TLE4: variants seen among roughly 807,000 people sequenced by gnomAD.
TLE4 encodes transducin-like enhancer protein 4.
In TLE4, 8 loss-of-function variants were observed where a neutral mutation model predicts 92.8. The observed-to-expected ratio is 0.09, with a 90% CI of 0.05 to 0.16. TLE4 has a LOEUF of 0.16. TLE4 is among the 10% of genes least tolerant of loss of function. The pLI is 1.00. For synonymous variants in TLE4, 371 were observed against 374.1 expected (o/e 0.99, Z 0.10); for missense variants, 675 against 997.6 (o/e 0.68, Z 4.36).
In TLE4 at chr9:79,576,270, C is replaced by T. The variant is rs539129017; in HGVS notation, c.252+93C>T. On this transcript the variant is annotated intron_variant, in intron 4 of 19. Transcript: ENST00000376552. ...TGTTTTGCAGTTTTATTCTGCAAGC[C>T]GTTGTGGCTACCTGTATTTAAAAGT... 30 of 920,810 alleles carry T rather than the reference C, an allele frequency of 3.3e-5. No homozygotes were observed. The East Asian group carries it at 4.4e-4, about 14-fold the overall frequency. 57.0% of individuals were successfully genotyped at this position (920,810 alleles called of 1,614,324 possible).
At chr9:79,698,539 G>C (rs1295590247) in intron 8 of TLE4, among the ~76,000 whole-genome samples, 2 of 152,082 alleles carry the variant, frequency 1.3e-5, no homozygotes, top group African/African-American at 4.8e-5. Context: ...TTGAAGGTGA[G>C]TTTTGATTTA....
Position 79,636,284 on chromosome 9 carries a change from C to T in TLE4, c.390+8836C>T, listed in dbSNP as rs1364232059. 2.6e-5 allele frequency among the ~76,000 whole-genome samples: 4 copies of T among 152,116 alleles called. No individual in the cohort carries two copies. In the East Asian group the frequency reaches 5.8e-4, roughly 22 times the overall value. On this transcript the variant is annotated intron_variant, in intron 6 of 19. Coordinates refer to ENST00000376552, the MANE Select transcript of TLE4 (RefSeq NM_007005.6). ...ACCAGCCTGGGCAACAGCAGGATTT[C>T]ATTTCTAAAAAATTTAAAAAACAAG...
intron 6 of TLE4, among the ~76,000 whole-genome samples, chr9:79,627,983 G>C (rs2133562424): frequency 6.6e-6 from 1 of 152,074 alleles, no homozygotes; most frequent in South Asian, 2.1e-4. Context: ...GGCCCATTTA[G>C]AAAATCCTTC....
chr9:79,586,361 CAAA>C (rs796367203), intron 4 of TLE4, among the ~76,000 whole-genome samples: 2 of 107,690 alleles, frequency 1.9e-5, no homozygotes, highest in Admixed American at 9.7e-5. Context: ...GACTCTGTCA[CAAA>C]AAAAAAAAAA....
chr9:79,579,856 G>A (rs1013237958), intron 4 of TLE4, among the ~76,000 whole-genome samples: 1 of 152,076 alleles, frequency 6.6e-6, no homozygotes, highest in Non-Finnish European at 1.5e-5. Context: ...CTCTTTGGTC[G>A]ATGGTAAATG....
At chr9:79,701,248 G>A (rs2135790287) in intron 8 of TLE4, among the ~76,000 whole-genome samples, 1 of 152,274 alleles carries the variant, frequency 6.6e-6, no homozygotes, top group East Asian at 1.9e-4. Flanking sequence ...ACCTTTAAAT[G>A]CTAGTGATAA....
chr9:79,681,573 C>T (rs1040391161), intron 8 of TLE4, among the ~76,000 whole-genome samples: 4 of 152,000 alleles, frequency 2.6e-5, no homozygotes, highest in African/African-American at 7.2e-5. Context: ...AATTGAAGAT[C>T]GAATGTCCAC....
intron 6 of TLE4, among the ~76,000 whole-genome samples, chr9:79,643,934 T>A (rs539544213): frequency 6.6e-6 from 1 of 152,314 alleles, no homozygotes; most frequent in East Asian, 1.9e-4. Context: ...GCTCCCTCAC[T>A]CTCTGTGCAT....
intron 4 of TLE4, among the ~76,000 whole-genome samples, chr9:79,582,475 C>A (rs993836160): frequency 6.6e-6 from 1 of 152,162 alleles, no homozygotes; most frequent in African/African-American, 2.4e-5. Context: ...CAAGCACCAG[C>A]CCATTGTTCT....
At chr9:79,630,349 T>C (rs2053844861) in intron 6 of TLE4, among the ~76,000 whole-genome samples, 1 of 152,214 alleles carries the variant, frequency 6.6e-6, no homozygotes, top group Non-Finnish European at 1.5e-5. Flanking sequence ...AACACAGTTA[T>C]AATGATTTCT....
intron 11 of TLE4, chr9:79,707,323 C>G: frequency 1.1e-6 from 1 of 910,046 alleles, no homozygotes; most frequent in Non-Finnish European, 1.7e-6. Context: ...AAAAAGTAAT[C>G]TCTCATTTAC....
intron 4 of TLE4, among the ~76,000 whole-genome samples, chr9:79,609,016 T>C (rs574064412): frequency 2.0e-5 from 3 of 152,216 alleles, no homozygotes; most frequent in East Asian, 3.9e-4. Flanking sequence ...ATTAGTAAAA[T>C]TTGTTATGTG....
intron 6 of TLE4, among the ~76,000 whole-genome samples, chr9:79,648,590 AG>A (rs2058458499): frequency 6.6e-6 from 1 of 152,208 alleles, no homozygotes; most frequent in Admixed American, 6.5e-5. Flanking sequence ...GAAAGCAGTA[AG>A]GGTTCATTGT....
chr9:79,657,691 T>G (rs1173558465), intron 8 of TLE4, among the ~76,000 whole-genome samples: 1 of 152,164 alleles, frequency 6.6e-6, no homozygotes, highest in Non-Finnish European at 1.5e-5. Flanking sequence ...TGCCTGAAAC[T>G]TGGTAAGAAT....
intron 8 of TLE4, among the ~76,000 whole-genome samples, chr9:79,657,565 AAG>A (rs1397400731): frequency 6.6e-6 from 1 of 152,094 alleles, no homozygotes; most frequent in African/African-American, 2.4e-5. Context: ...CCAGTTCATT[AAG>A]AGGAGTCAGC....
intron 8 of TLE4, among the ~76,000 whole-genome samples, chr9:79,681,831 CATGTGT>C (rs1302856579): frequency 3.7e-4 from 25 of 68,156 alleles, no homozygotes; most frequent in African/African-American, 5.5e-4. Context: ...AGAGTGTGTG[CATGTGT>C]GTGTGTGTGT....
In TLE4 at chr9:79,589,998, T is replaced by A. The variant is rs565313076; in HGVS notation, c.252+13821T>A. Among the ~76,000 whole-genome samples the A allele has an allele frequency of 1.3e-4, 20 of 152,334 alleles. No individual in the cohort carries two copies. In the East Asian group the frequency reaches 3.9e-3, roughly 29 times the overall value. ...ATATGGGTTCGTTTTTATTTTTGAA[T>A]GTGTGGGCGCTGATCAGTGAACCTG... is the stretch of plus-strand genomic sequence containing the variant. On this transcript the variant is annotated intron_variant, in intron 4 of 19. Coordinates refer to ENST00000376552, the MANE Select transcript of TLE4 (RefSeq NM_007005.6).
Position 79,706,026 on chromosome 9 carries a change from C to T in TLE4, c.783+84C>T, listed in dbSNP as rs552180489. 7.7e-6 allele frequency: 10 copies of T among 1,291,936 alleles called. No homozygotes were observed. In the South Asian group the frequency reaches 1.1e-4, roughly 14 times the overall value. 80.0% of individuals were successfully genotyped at this position (1,291,936 alleles called of 1,614,324 possible). A position where few individuals can be genotyped will look rare whatever the true frequency, so the allele number is the denominator to read the frequency against. The stretch of plus-strand genomic sequence containing the variant: ...CCCAAACAATTAGTATCCAAAATAT[C>T]TTGAGGTTTGTCGTTTTGTTATTGT... On this transcript the variant is annotated intron_variant, in intron 10 of 19. Transcript: ENST00000376552.
chr9:79,574,977 T>G, intron 3 of TLE4, 41 bp downstream of exon 3: 2 of 1,561,352 alleles, frequency 1.3e-6, no homozygotes, highest in South Asian at 1.1e-5. Flanking sequence ...CCTATTAGTT[T>G]GGAATACCAA....
Sources: gnomAD v4.1 joint callset for allele counts (sites outside exome capture counted in the v4.1 genomes callset) on GRCh38, gnomAD v4.1.1 for gene constraint, MANE v1.5 for transcripts, NCBI Gene and HGNC (gene_info 2026-07-23, HGNC 2026-07-21) for gene names.